Variants in AUTS2 observed in about 807,000 individuals in gnomAD.
AUTS2 encodes activator of transcription and developmental regulator AUTS2.
A neutral mutation model predicts 112.4 loss-of-function variants in AUTS2; 17 were observed. The observed-to-expected ratio is 0.15, with a 90% CI of 0.10 to 0.23. The LOEUF is 0.23. AUTS2 is among the 10% of genes least tolerant of loss of function. The probability of loss-of-function intolerance (pLI) is 1.00; values close to 1 mark genes in which losing one functional copy is unlikely to be tolerated. For missense variants in AUTS2, 1,510 were observed against 1,701.6 expected, an observed-to-expected ratio of 0.89 and a Z score of 1.98; for synonymous variants, 751 against 702.7, an observed-to-expected ratio of 1.07 and a Z score of -1.09.
chr7:70,251,479 T>A (rs1475977786), intron 4 of AUTS2, among the ~76,000 whole-genome samples: 1 of 152,226 alleles, frequency 6.6e-6, no homozygotes, highest in Admixed American at 6.5e-5. Context: ...AAGGATTTCT[T>A]GTCTTCTTGT....
chr7:69,888,540 G>GATATATATATATATATAT lies in AUTS2; in HGVS notation c.310-10731_310-10714dup, dbSNP rs60804022. Among the ~76,000 whole-genome samples the GATATATATATATATATAT allele has an allele frequency of 9.3e-4, 92 of 99,204 alleles. 1 individual carries two copies. Among genetic ancestry groups the GATATATATATATATATAT allele is most frequent in the African/African-American group, 1.3e-3 (31 of 23,436 alleles). 65.1% of individuals were successfully genotyped at this position (99,204 alleles called of 152,430 possible). ...CTTAGGCCCCACCTCCAACATTGGG[G>GATATATATATATATATAT]ATATATATATATATATATATATATA... is the stretch of plus-strand genomic sequence containing the variant. On this transcript the variant is annotated intron_variant, in intron 1 of 18. Transcript: ENST00000342771.
At chr7:70,224,532 A>G (rs573026632) in intron 4 of AUTS2, among the ~76,000 whole-genome samples, 146 of 152,308 alleles carry the variant, frequency 9.6e-4, no homozygotes, top group Admixed American at 1.6e-3. Context: ...TTTGAACAAT[A>G]TATAAAGTAA....
chr7:70,016,750 C>T (rs1456197052), intron 2 of AUTS2, among the ~76,000 whole-genome samples: 1 of 151,880 alleles, frequency 6.6e-6, no homozygotes, highest in Non-Finnish European at 1.5e-5. Context: ...TTACTGCAAC[C>T]TCCACCTCCC....
At chr7:69,674,039 C>T (rs1186916802) in intron 1 of AUTS2, among the ~76,000 whole-genome samples, 2 of 152,114 alleles carry the variant, frequency 1.3e-5, no homozygotes, top group Non-Finnish European at 2.9e-5. Context: ...TAAAACAGCA[C>T]CAGGAAGTCT....
At chr7:70,413,663 T>G (rs1366945106) in intron 4 of AUTS2, among the ~76,000 whole-genome samples, 1 of 140,688 alleles carries the variant, frequency 7.1e-6, no homozygotes, top group Non-Finnish European at 1.6e-5. Flanking sequence ...ACAATTTCTT[T>G]TCTTGTTTTG....
At chr7:69,976,208 C>T (rs2129548666) in intron 2 of AUTS2, among the ~76,000 whole-genome samples, 1 of 152,342 alleles carries the variant, frequency 6.6e-6, no homozygotes, top group South Asian at 2.1e-4. Context: ...TTCTGTTTCT[C>T]TGAATTTGAC....
chr7:70,311,950 G>A (rs1022777654), intron 4 of AUTS2, among the ~76,000 whole-genome samples: 3 of 152,254 alleles, frequency 2.0e-5, no homozygotes, highest in Admixed American at 6.5e-5. Flanking sequence ...TCTTGACCTC[G>A]TGATCCGCCC....
intron 1 of AUTS2, among the ~76,000 whole-genome samples, chr7:69,837,632 A>G (rs1037151453): frequency 6.6e-6 from 1 of 152,112 alleles, no homozygotes; most frequent in African/African-American, 2.4e-5. Context: ...ACATGTAGCA[A>G]TTTGCTATGT....
chr7:70,499,315 T>C (rs1798683249), intron 5 of AUTS2, among the ~76,000 whole-genome samples: 1 of 152,130 alleles, frequency 6.6e-6, no homozygotes, highest in East Asian at 1.9e-4. Flanking sequence ...CATTTCAGAG[T>C]GCTCAGCAAG....
chr7:70,104,694 TG>T (rs1277110327), intron 2 of AUTS2, among the ~76,000 whole-genome samples: 1 of 152,228 alleles, frequency 6.6e-6, no homozygotes, highest in Non-Finnish European at 1.5e-5. Flanking sequence ...AGGGATAATC[TG>T]TAAAACTTTG....
intron 2 of AUTS2, among the ~76,000 whole-genome samples, chr7:70,004,168 A>G (rs1799402538): frequency 8.4e-6 from 1 of 118,990 alleles, no homozygotes; most frequent in East Asian, 2.3e-4. Flanking sequence ...GTGAATATAT[A>G]TAATATGAAT....
intron 5 of AUTS2, among the ~76,000 whole-genome samples, chr7:70,604,563 C>T (rs1356160275): frequency 6.6e-6 from 1 of 152,216 alleles, no homozygotes; most frequent in Non-Finnish European, 1.5e-5. Context: ...TAACACTTGC[C>T]CCTAGGCCCT....
chr7:70,777,000 A>T lies in AUTS2; in HGVS notation c.1933-103A>T, dbSNP rs1355336201. On this transcript the variant is annotated intron_variant, in intron 13 of 18. Coordinates refer to ENST00000342771, the MANE Select transcript of AUTS2 (RefSeq NM_015570.4). ...AGTACAAAGCACTCTTGTTTCACGA[A>T]AAAAGCCTCTGCAGCCAAAATCTGC... The T allele has an allele frequency of 2.7e-6, 3 of 1,114,874 alleles. 1 individual carries two copies. In the East Asian group the frequency reaches 7.1e-5, roughly 27 times the overall value. 69.1% of individuals were successfully genotyped at this position (1,114,874 alleles called of 1,614,324 possible). A position where few individuals can be genotyped will look rare whatever the true frequency, so the allele number is the denominator to read the frequency against.
intron 5 of AUTS2, among the ~76,000 whole-genome samples, chr7:70,441,910 A>G (rs989514712): frequency 2.0e-5 from 3 of 152,128 alleles, no homozygotes; most frequent in Non-Finnish European, 4.4e-5. Context: ...GAAGAGTCCC[A>G]TCCCTTGGTT....
At position 69,687,268 on chromosome 7, in the gene AUTS2, A is replaced by G. The variant is rs143045500; in HGVS notation, c.309+87306A>G. 1.9e-3 allele frequency among the ~76,000 whole-genome samples: 297 copies of G among 152,382 alleles called. 1 individual carries two copies. The highest frequency in any genetic ancestry group is 6.3e-3 in the African/African-American group (261 of 41,598). On this transcript the variant is annotated intron_variant, in intron 1 of 18. Coordinates refer to ENST00000342771, the MANE Select transcript of AUTS2 (RefSeq NM_015570.4). Reference sequence around the variant, plus strand: ...TATTTAAAAAGCAGGAATAGCAGCAATGCAAACTGTGATTGACTTAAGACC... The same window carrying G: ...TATTTAAAAAGCAGGAATAGCAGCAGTGCAAACTGTGATTGACTTAAGACC...
chr7:69,730,329 G>C (rs1026459857), intron 1 of AUTS2, among the ~76,000 whole-genome samples: 1 of 151,594 alleles, frequency 6.6e-6, no homozygotes, highest in African/African-American at 2.4e-5. Flanking sequence ...ATTTTCTTCT[G>C]TTGCCTTAAG....
At chr7:70,450,198 T>A (rs1483421531) in intron 5 of AUTS2, among the ~76,000 whole-genome samples, 1 of 152,142 alleles carries the variant, frequency 6.6e-6, no homozygotes, top group East Asian at 1.9e-4. Flanking sequence ...TCATGGGAAC[T>A]AGGGATGGGA....
intron 6 of AUTS2, among the ~76,000 whole-genome samples, chr7:70,754,316 C>A (rs1324580222): frequency 6.6e-6 from 1 of 152,124 alleles, no homozygotes; most frequent in Admixed American, 6.5e-5. Context: ...CATGGTGAGA[C>A]CTCATTTCTA....
chr7:70,572,484 A>AG (rs199711589), intron 5 of AUTS2, among the ~76,000 whole-genome samples: 17 of 102,516 alleles, frequency 1.7e-4, no homozygotes, highest in South Asian at 7.2e-4. Context: ...AGGCAGGAAA[A>AG]GGGGGGGCGA....
Sources: allele counts gnomAD v4.1 joint callset (sites outside exome capture counted in the v4.1 genomes callset), GRCh38; gene constraint gnomAD v4.1.1; transcripts MANE v1.5; gene names NCBI Gene and HGNC (gene_info 2026-07-23, HGNC 2026-07-21).